Variants in PRAG1 observed in about 807,000 individuals in gnomAD.
PRAG1 encodes the protein PEAK1 related, kinase-activating pseudokinase 1, also known as inactive tyrosine-protein kinase PRAG1.
A neutral mutation model predicts 95.6 loss-of-function variants in PRAG1; 110 were observed. The ratio of observed to expected loss-of-function variants is 1.15; its 90% CI spans 0.99 to 1.35. The LOEUF (loss-of-function observed/expected upper bound fraction) is 1.35. PRAG1 is among the 40% of genes most tolerant of loss of function. PRAG1 has a pLI of 0.00. For synonymous variants in PRAG1, 1,052 were observed against 819.4 expected (o/e 1.28, Z -4.85); for missense variants, 2,554 against 1,864.7 (o/e 1.37, Z -6.81).
chr8:8,321,037 T>C (rs750024526), intron 5 of PRAG1, among the ~76,000 whole-genome samples: 5 of 152,266 alleles, frequency 3.3e-5, no homozygotes, highest in Non-Finnish European at 7.3e-5. Flanking sequence ...AAAAATGATT[T>C]TGAAATACAT....
rs546569266 is a variant in PRAG1, at chr8:8,385,031, GC to G, written c.-88+1289del. Among the ~76,000 whole-genome samples the G allele has an allele frequency of 3.7e-3, 561 of 152,268 alleles. 4 individuals are homozygous for G. The highest frequency in any genetic ancestry group is 6.2e-3 in the Non-Finnish European group (422 of 68,028). ...AAAAAGAATCTGAAGAATCAAGGTG[GC>G]CAGATCTTTAAGATTAAATATTTTG... On this transcript the variant is annotated intron_variant, in intron 1 of 5. Transcript: ENST00000615670.
chr8:8,351,861 C>G (rs777579203), intron 3 of PRAG1, among the ~76,000 whole-genome samples: 5 of 152,122 alleles, frequency 3.3e-5, no homozygotes, highest in Non-Finnish European at 5.9e-5. Context: ...CTCCTCATCC[C>G]CCAGCACACA....
chr8:8,357,006 C>T (rs1799703385), intron 3 of PRAG1, among the ~76,000 whole-genome samples: 1 of 152,048 alleles, frequency 6.6e-6, no homozygotes, highest in South Asian at 2.1e-4. Flanking sequence ...TGGACCCTTG[C>T]CTAATATTGT....
chr8:8,343,107 C>T (rs555137082), intron 3 of PRAG1, among the ~76,000 whole-genome samples: 2 of 152,190 alleles, frequency 1.3e-5, no homozygotes, highest in Non-Finnish European at 2.9e-5. Context: ...GAACAGGCAA[C>T]TCACAAATGA....
At chr8:8,349,363 A>C (rs571664677) in intron 3 of PRAG1, among the ~76,000 whole-genome samples, 43 of 151,918 alleles carry the variant, frequency 2.8e-4, no homozygotes, top group African/African-American at 8.9e-4. Flanking sequence ...TCACTGCAAG[A>C]TCTGCCTCCC....
chr8:8,334,631 G>C (rs1169458152), intron 4 of PRAG1, among the ~76,000 whole-genome samples: 2 of 150,112 alleles, frequency 1.3e-5, no homozygotes, highest in Non-Finnish European at 3.0e-5. Context: ...TGCGAAAGAA[G>C]AGAAAGCTCT....
In PRAG1 at chr8:8,318,654, G is replaced by C; in HGVS notation, c.3721C>G (p.Pro1241Ala). The C allele has an allele frequency of 6.2e-7, 1 of 1,611,884 alleles. No homozygotes were observed. The highest frequency in any genetic ancestry group is 8.5e-7 in the Non-Finnish European group (1 of 1,179,868). The change falls in exon 6 of 6, where the codon CCC becomes GCC. Residue 1241 changes from proline to alanine, a missense_variant. Coordinates refer to ENST00000615670, the MANE Select transcript of PRAG1 (RefSeq NM_001080826.3). The surrounding 1 kb of genome is among the most constrained non-coding windows in gnomAD (Gnocchi z 4.2). ...QQKKSQARLA[P>A]EIVSASQYRK... is the part of the protein sequence containing the mutation. ...TACTGGGAAGCAGACACGATCTCGGGGGCCAGCCGGGCCTGGCTCTTCTTC... is the reference window on the plus strand; with the variant it reads ...TACTGGGAAGCAGACACGATCTCGGCGGCCAGCCGGGCCTGGCTCTTCTTC...
chr8:8,336,319 C>A (rs1418981266), intron 4 of PRAG1, among the ~76,000 whole-genome samples: 1 of 152,188 alleles, frequency 6.6e-6, no homozygotes, highest in Non-Finnish European at 1.5e-5. Flanking sequence ...GCAAAAAGGT[C>A]TCTTGATGAC....
rs376695924 is a variant in PRAG1, at chr8:8,328,188, G to A, written c.2594C>T (p.Ser865Leu). ...ATGGTGGCGGTTCCCGGGGCTCAAC[G>A]AATAGCTAAAGTGAGATTCGTCGTG... ...NVHDESHFSY[S>L]LSPGNRHHPV... is the part of the protein sequence containing the mutation. Residue 865 changes from serine (S) to leucine (L), a missense_variant, in exon 5 of 6, where the codon TCG (serine) becomes TTG (leucine). Physicochemically the swap from Ser to Leu is moderately radical, Grantham distance 145 (BLOSUM62 -2). Transcript: ENST00000615670. 38 of 1,614,080 alleles carry A rather than the reference G, an allele frequency of 2.4e-5. No individual in the cohort carries two copies. Among genetic ancestry groups the A allele is most frequent in the Non-Finnish European group, 2.9e-5 (34 of 1,180,058 alleles).
At chr8:8,371,503 C>A (rs186669069) in intron 3 of PRAG1, among the ~76,000 whole-genome samples, 2,267 of 152,118 alleles carry the variant, frequency 0.015, 45 homozygotes, top group African/African-American at 0.052. Flanking sequence ...TCGTGATCCA[C>A]CCGCCTTGGC....
intron 5 of PRAG1, among the ~76,000 whole-genome samples, chr8:8,323,238 G>A (rs898603084): frequency 6.6e-6 from 1 of 152,060 alleles, no homozygotes; most frequent in Non-Finnish European, 1.5e-5. Context: ...ACGTGTGGTG[G>A]GAGGAACCTG....
At chr8:8,354,684 C>T (rs917811812) in intron 3 of PRAG1, among the ~76,000 whole-genome samples, 15 of 152,058 alleles carry the variant, frequency 9.9e-5, no homozygotes, top group Non-Finnish European at 2.2e-4. Flanking sequence ...GAAACCACAT[C>T]TAAATTGACA....
intron 5 of PRAG1, among the ~76,000 whole-genome samples, chr8:8,326,978 T>C (rs890736456): frequency 1.3e-5 from 2 of 152,214 alleles, no homozygotes; most frequent in African/African-American, 4.8e-5. Context: ...CGAATGCTCC[T>C]TCTGGATCTA....
intron 3 of PRAG1, among the ~76,000 whole-genome samples, chr8:8,349,499 G>A (rs954259460): frequency 1.3e-5 from 2 of 151,928 alleles, no homozygotes; most frequent in Admixed American, 6.6e-5. Flanking sequence ...AGCCAGGATG[G>A]TCTCGATCTC....
At chr8:8,382,410 G>T (rs1184096315) in intron 1 of PRAG1, among the ~76,000 whole-genome samples, 1 of 152,188 alleles carries the variant, frequency 6.6e-6, no homozygotes, top group Non-Finnish European at 1.5e-5. Flanking sequence ...GGAGAAGTGG[G>T]GTGCTGGCCT....
chr8:8,353,602 G>A (rs1799591722), intron 3 of PRAG1, among the ~76,000 whole-genome samples: 2 of 152,026 alleles, frequency 1.3e-5, no homozygotes, highest in Non-Finnish European at 2.9e-5. Flanking sequence ...CATTAAAAAA[G>A]AAAGATCCCA....
At chr8:8,346,126 A>G (rs538598431) in intron 3 of PRAG1, among the ~76,000 whole-genome samples, 2 of 152,338 alleles carry the variant, frequency 1.3e-5, no homozygotes, top group East Asian at 3.9e-4. Context: ...AGTGTACTCA[A>G]TGCGGTATAA....
At chr8:8,363,173 C>A (rs1799898901) in intron 3 of PRAG1, among the ~76,000 whole-genome samples, 1 of 150,868 alleles carries the variant, frequency 6.6e-6, no homozygotes, top group Non-Finnish European at 1.5e-5. Context: ...AGAGTTATTG[C>A]AAAAAGCTAG....
chr8:8,354,617 G>C (rs1799629696), intron 3 of PRAG1, among the ~76,000 whole-genome samples: 1 of 152,126 alleles, frequency 6.6e-6, no homozygotes, highest in South Asian at 2.1e-4. Flanking sequence ...ATGCAAGGCT[G>C]GTTTGGCATA....
Sources: allele counts gnomAD v4.1 joint callset (sites outside exome capture counted in the v4.1 genomes callset), GRCh38; gene constraint gnomAD v4.1.1; non-coding constraint Gnocchi (gnomAD v3.1); transcripts MANE v1.5; gene names NCBI Gene and HGNC (gene_info 2026-07-23, HGNC 2026-07-21).